The following MTUS1 variants were observed in gnomAD, a reference collection of about 807,000 sequenced individuals.
MTUS1 encodes the protein microtubule associated scaffold protein 1.
Under a neutral mutation model 120.8 loss-of-function variants are expected in MTUS1, and 109 were observed. That is an observed-to-expected ratio of 0.90 (90% CI 0.77 to 1.06). The LOEUF (loss-of-function observed/expected upper bound fraction) is 1.06. Ranked by LOEUF, MTUS1 falls within the 50% of genes least tolerant of loss-of-function variation. MTUS1 has a pLI of 0.00. For synonymous variants in MTUS1, 737 were observed against 550.5 expected (o/e 1.34, Z -4.74); for missense variants, 2,210 against 1,486.3 (o/e 1.49, Z -8.01).
chr8:17,712,574 A>G (rs1460556479), intron 6 of MTUS1, among the ~76,000 whole-genome samples: 4 of 152,082 alleles, frequency 2.6e-5, no homozygotes, highest in African/African-American at 9.7e-5. Context: ...CCTGACCTCA[A>G]GTGATCCACC....
At position 17,743,373 on chromosome 8, in the gene MTUS1, G is replaced by A. The variant is rs41426145; in HGVS notation, c.2287+231C>T. ...TGTATATTTATGTACACATCCTTCT[G>A]AATAGCTTATAAGATGGTTTATACA... On this transcript the variant is annotated intron_variant, in intron 3 of 14. Transcript: ENST00000693296. Among the ~76,000 whole-genome samples, 1,336 of 152,194 alleles carry A rather than the reference G, an allele frequency of 8.8e-3. 18 individuals are homozygous for A. The highest frequency in any genetic ancestry group is 0.031 in the African/African-American group (1,274 of 41,518).
intron 6 of MTUS1, among the ~76,000 whole-genome samples, chr8:17,697,018 C>A (rs911086708): frequency 1.3e-5 from 2 of 152,158 alleles, no homozygotes; most frequent in African/African-American, 4.8e-5. Flanking sequence ...TAGGGAACAC[C>A]AAGGCAACAA....
intron 7 of MTUS1, among the ~76,000 whole-genome samples, chr8:17,677,793 G>C (rs1813425263): frequency 1.3e-5 from 2 of 152,124 alleles, no homozygotes; most frequent in South Asian, 4.1e-4. Context: ...AAAGTCAGTT[G>C]GTTCTTCCCT....
chr8:17,726,432 G>A (rs2046235455), intron 3 of MTUS1, among the ~76,000 whole-genome samples: 1 of 152,172 alleles, frequency 6.6e-6, no homozygotes, highest in Admixed American at 6.5e-5. Flanking sequence ...ATCAGGAAGA[G>A]CACCTGATTC....
chr8:17,722,374 T>A (rs2045911441), intron 4 of MTUS1: 1 of 977,748 alleles, frequency 1.0e-6, no homozygotes, highest in African/African-American at 1.8e-5. Context: ...TCTTTAAAAT[T>A]GCTTTGCAAG....
At chr8:17,708,800 C>T (rs1184624298) in intron 6 of MTUS1, 1 of 152,200 alleles carries the variant, frequency 6.6e-6, no homozygotes, top group Admixed American at 6.5e-5. Context: ...TTAGATCATT[C>T]TGCATGGCTG....
intron 1 of MTUS1, among the ~76,000 whole-genome samples, chr8:17,776,668 G>C (rs2050459004): frequency 1.0e-5 from 1 of 99,220 alleles, no homozygotes; most frequent in Non-Finnish European, 1.8e-5. Context: ...GACTGAGTGA[G>C]ACTCTGTCTC....
chr8:17,691,717 G>A (rs186495912), intron 6 of MTUS1, among the ~76,000 whole-genome samples: 2 of 151,808 alleles, frequency 1.3e-5, no homozygotes, highest in East Asian at 3.9e-4. Flanking sequence ...TTTTTTTAAT[G>A]GAAGCTTTCT....
rs149525775 is a variant in MTUS1, at chr8:17,645,747, A to C, written c.*179T>G. The C allele has an allele frequency of 6.9e-3, 5,120 of 738,032 alleles. 15 individuals are homozygous for C. Among genetic ancestry groups the C allele is most frequent in the Middle Eastern group, 0.015 (36 of 2,324 alleles). 45.7% of individuals were successfully genotyped at this position (738,032 alleles called of 1,614,324 possible). Reference sequence around the variant, plus strand: ...GAGGAATCTTTTGGACGGAGGCAAAAGTCTTCCTCCAGAGTTCCAGTCTCA... The same window carrying C: ...GAGGAATCTTTTGGACGGAGGCAAACGTCTTCCTCCAGAGTTCCAGTCTCA... On this transcript the variant is annotated 3_prime_UTR_variant, in exon 15 of 15. Transcript: ENST00000693296.
At chr8:17,718,327 A>G (rs1479373293) in intron 4 of MTUS1, among the ~76,000 whole-genome samples, 2 of 152,212 alleles carry the variant, frequency 1.3e-5, no homozygotes, top group African/African-American at 4.8e-5. Flanking sequence ...AATATAAGAG[A>G]TGCATAATAG....
At chr8:17,661,675 A>ACCC (rs59908397) in intron 8 of MTUS1, among the ~76,000 whole-genome samples, 17,988 of 151,116 alleles carry the variant, frequency 0.12, 1,560 homozygotes, top group East Asian at 0.24. Context: ...TGACGTTTTG[A>ACCC]TAAGTGAGGT....
At chr8:17,741,794 T>G (rs1294336618) in intron 3 of MTUS1, among the ~76,000 whole-genome samples, 18 of 152,034 alleles carry the variant, frequency 1.2e-4, no homozygotes, top group Non-Finnish European at 2.6e-4. Context: ...ACTCAGAAAA[T>G]TAGGTGAGCT....
chr8:17,792,809 A>C (rs1482631290), intron 1 of MTUS1, among the ~76,000 whole-genome samples: 1 of 151,904 alleles, frequency 6.6e-6, no homozygotes, highest in Admixed American at 6.6e-5. Context: ...GGTTGCAGTG[A>C]GCCGAGATCA....
chr8:17,790,309 T>C (rs1204211517), intron 1 of MTUS1, among the ~76,000 whole-genome samples: 1 of 150,190 alleles, frequency 6.7e-6, no homozygotes, highest in East Asian at 2.0e-4. Context: ...GATGAAGCCA[T>C]TGCACTCCAG....
chr8:17,653,563 G>T (rs1807526735), intron 10 of MTUS1, 65 bp from the exon 11 acceptor site: 2 of 1,168,542 alleles, frequency 1.7e-6, no homozygotes, highest in Non-Finnish European at 1.3e-6. Flanking sequence ...CTCTAAAACA[G>T]TTAAAGCATA....
chr8:17,737,028 C>T (rs1463870746), intron 3 of MTUS1, among the ~76,000 whole-genome samples: 1 of 152,200 alleles, frequency 6.6e-6, no homozygotes, highest in Non-Finnish European at 1.5e-5. Context: ...GAGTTCTTAG[C>T]ACAAACCAGC....
chr8:17,764,164 G>A (rs1201022160), intron 1 of MTUS1, among the ~76,000 whole-genome samples: 1 of 152,152 alleles, frequency 6.6e-6, no homozygotes, highest in Non-Finnish European at 1.5e-5. Flanking sequence ...TAAGAACTAT[G>A]TCATTTTAGT....
chr8:17,649,203 C>G (rs1249675083), intron 13 of MTUS1, among the ~76,000 whole-genome samples: 2 of 152,116 alleles, frequency 1.3e-5, no homozygotes, highest in Non-Finnish European at 2.9e-5. Context: ...ATTACAGGCA[C>G]CCACCACCAC....
intron 1 of MTUS1, among the ~76,000 whole-genome samples, chr8:17,764,683 C>G (rs1331722635): frequency 6.6e-6 from 1 of 152,226 alleles, no homozygotes; most frequent in African/African-American, 2.4e-5. Context: ...GTTGTAGAAT[C>G]AAAGACGCCA....
Sources: allele counts gnomAD v4.1 joint callset (sites outside exome capture counted in the v4.1 genomes callset), GRCh38; gene constraint gnomAD v4.1.1; transcripts MANE v1.5; gene names NCBI Gene and HGNC (gene_info 2026-07-23, HGNC 2026-07-21).